LOXL1: variants seen among roughly 807,000 people sequenced by gnomAD.
LOXL1 encodes lysyl oxidase like 1.
A neutral mutation model predicts 62.2 loss-of-function variants in LOXL1; 31 were observed. The ratio of observed to expected loss-of-function variants is 0.50; its 90% CI spans 0.37 to 0.67. The LOEUF is 0.67. Ranked by LOEUF, LOXL1 falls within the 30% of genes least tolerant of loss-of-function variation. The pLI is 0.00. For synonymous variants in LOXL1, 403 were observed against 384.4 expected, an observed-to-expected ratio of 1.05 and a Z score of -0.56; for missense variants, 775 against 843.4, an observed-to-expected ratio of 0.92 and a Z score of 1.00.
In LOXL1 at chr15:73,947,143, C is replaced by T. The variant is rs2068753594; in HGVS notation, c.1426C>T (p.His476Tyr). ...AATGKKVAEG[H>Y]KASFCLEDST... ...CACAGGCAAGAAGGTGGCCGAGGGC[C>T]ACAAGGCCAGTTTCTGCCTGGAGGA... is the stretch of plus-strand genomic sequence containing the variant. Residue 476 changes from histidine (H) to tyrosine (Y), a missense_variant, in exon 4 of 7, where the codon CAC (histidine) becomes TAC (tyrosine). By Grantham distance (83) the His-to-Tyr change is moderately conservative. Coordinates refer to ENST00000261921, the MANE Select transcript of LOXL1 (RefSeq NM_005576.4). 1.2e-5 allele frequency: 19 copies of T among 1,613,858 alleles called. No individual in the cohort carries two copies. The highest frequency in any genetic ancestry group is 1.6e-5 in the Non-Finnish European group (19 of 1,179,754).
At chr15:73,936,067 C>A (rs1184383142) in intron 1 of LOXL1, among the ~76,000 whole-genome samples, 2 of 151,654 alleles carry the variant, frequency 1.3e-5, no homozygotes, top group African/African-American at 4.8e-5. Flanking sequence ...CAGAGACCTG[C>A]CTACTGATCC....
rs750448878 is a variant in LOXL1 at position 73,930,742 on chromosome 15, G to A, written c.1102+2857G>A. On this transcript the variant is annotated intron_variant, in intron 1 of 6. Transcript: ENST00000261921. The surrounding 1 kb of genome is among the most constrained non-coding windows in gnomAD (Gnocchi z 4.7). ...CTGTCCTGAGCCCAGTTTCTTCCTC[G>A]GGTACCTGTGCCCTCTTCCTTCCTA... 6.6e-6 allele frequency among the ~76,000 whole-genome samples: 1 copy of A among 152,150 alleles called. No individual in the cohort carries two copies. Among genetic ancestry groups the A allele is most frequent in the African/African-American group, 2.4e-5 (1 of 41,414 alleles).
chr15:73,926,485 C>A lies in LOXL1; in HGVS notation c.-299C>A, dbSNP rs939301515. 9.2e-6 allele frequency: 3 copies of A among 326,200 alleles called. No homozygotes were observed. The highest frequency in any genetic ancestry group is 1.7e-5 in the Non-Finnish European group (3 of 180,052). The allele number at this position is 326,200 out of a possible 1,614,324, so 20.2% of individuals were successfully genotyped here. On this transcript the variant is annotated 5_prime_UTR_variant, in exon 1 of 7. Transcript: ENST00000261921. The stretch of plus-strand genomic sequence containing the variant: ...TCATTCAGAGTGGGAAAGCGCCAGC[C>A]GAGCGGCCAGCCAGTGCGGGGCTGG...
At chr15:73,946,950 C>A in intron 3 of LOXL1, 117 bp from the exon 4 acceptor site, 1 of 1,158,882 alleles carries the variant, frequency 8.6e-7, no homozygotes, top group Non-Finnish European at 1.2e-6. Context: ...AGAACCTAGA[C>A]CAGCCAGGAG....
At chr15:73,942,274 C>T (rs1297505954) in intron 1 of LOXL1, among the ~76,000 whole-genome samples, 1 of 152,082 alleles carries the variant, frequency 6.6e-6, no homozygotes, top group African/African-American at 2.4e-5. Flanking sequence ...TAGCCCATCC[C>T]TTCCTGCCCA....
chr15:73,940,053 G>A (rs377293938), intron 1 of LOXL1, among the ~76,000 whole-genome samples: 24 of 152,320 alleles, frequency 1.6e-4, no homozygotes, highest in African/African-American at 5.3e-4. Flanking sequence ...TCCACTGAGG[G>A]CGAGTAGGAC....
intron 1 of LOXL1, among the ~76,000 whole-genome samples, chr15:73,931,089 C>G (rs28588430): frequency 0.6 from 91,427 of 151,732 alleles, 28,816 homozygotes; most frequent in East Asian, 0.91. Context: ...TTAGTGCCAC[C>G]TAAGAAGCCC....
Position 73,936,056 on chromosome 15 carries a change from C to T in LOXL1, c.1103-6798C>T, listed in dbSNP as rs138094521. Among the ~76,000 whole-genome samples the T allele has an allele frequency of 6.0e-5, 9 of 150,884 alleles. No homozygotes were observed. In the East Asian group the frequency reaches 1.8e-3, roughly 30 times the overall value. Reference sequence around the variant, plus strand: ...GGGTAAAAAAGGTTGGGGTATGCTGCCAGAGACCTGCCTACTGATCCTTAG... The same window carrying T: ...GGGTAAAAAAGGTTGGGGTATGCTGTCAGAGACCTGCCTACTGATCCTTAG... On this transcript the variant is annotated intron_variant, in intron 1 of 6. Coordinates refer to ENST00000261921, the MANE Select transcript of LOXL1 (RefSeq NM_005576.4).
chr15:73,933,751 G>A (rs1485436635), intron 1 of LOXL1, among the ~76,000 whole-genome samples: 13 of 152,272 alleles, frequency 8.5e-5, no homozygotes, highest in Non-Finnish European at 8.8e-5. Context: ...GGGGCAGGGA[G>A]GGAGCTGGGG....
intron 3 of LOXL1, 146 bp from the exon 4 acceptor site, chr15:73,946,921 G>T (rs1232989420): frequency 2.3e-6 from 2 of 870,644 alleles, no homozygotes; most frequent in South Asian, 1.9e-5. Flanking sequence ...GGGCCACCCC[G>T]CAGTACTCAG....
intron 1 of LOXL1, among the ~76,000 whole-genome samples, chr15:73,933,053 C>T (rs1201058436): frequency 6.6e-6 from 1 of 152,158 alleles, no homozygotes; most frequent in Non-Finnish European, 1.5e-5. Context: ...CTCTCCCCTG[C>T]TCTCAAACTG....
chr15:73,937,094 G>C (rs1319964578), intron 1 of LOXL1, among the ~76,000 whole-genome samples: 1 of 152,224 alleles, frequency 6.6e-6, no homozygotes, highest in East Asian at 1.9e-4. Flanking sequence ...GAAGGCCCCA[G>C]CTGCATCCCA....
chr15:73,949,349 T>C, intron 5 of LOXL1, 110 bp from the exon 6 acceptor site: 2 of 744,806 alleles, frequency 2.7e-6, no homozygotes, highest in Non-Finnish European at 5.0e-6. Context: ...TCCCTCTCTC[T>C]GTCACCTCTC....
intron 2 of LOXL1, among the ~76,000 whole-genome samples, chr15:73,944,400 A>G (rs969920912): frequency 6.6e-5 from 10 of 152,170 alleles, no homozygotes; most frequent in African/African-American, 1.7e-4. Flanking sequence ...GCTGGAGAGA[A>G]CAGCCCTCAC....
At chr15:73,937,904 G>T (rs535460492) in intron 1 of LOXL1, among the ~76,000 whole-genome samples, 1 of 152,234 alleles carries the variant, frequency 6.6e-6, no homozygotes, top group East Asian at 1.9e-4. Flanking sequence ...AGCTGGCTGC[G>T]TACCTTCATC....
intron 1 of LOXL1, among the ~76,000 whole-genome samples, chr15:73,937,470 C>A (rs1278169178): frequency 6.6e-6 from 1 of 152,250 alleles, no homozygotes; most frequent in Non-Finnish European, 1.5e-5. Context: ...CCTCCCCAGC[C>A]GAGCATCCTG....
rs1258313318 is a variant in LOXL1, at chr15:73,952,060, T to G, written c.*223T>G. On this transcript the variant is annotated 3_prime_UTR_variant, in exon 7 of 7. Coordinates refer to ENST00000261921, the MANE Select transcript of LOXL1 (RefSeq NM_005576.4). ...TACAGTGTTGTTTTGTTGTTGTTGG[T>G]TTTTATTTTTTATACTTTGGCCATA... The G allele has an allele frequency of 2.5e-6, 1 of 401,636 alleles. No individual in the cohort carries two copies. Among genetic ancestry groups the G allele is most frequent in the Non-Finnish European group, 4.4e-6 (1 of 227,902 alleles). 24.9% of individuals were successfully genotyped at this position (401,636 alleles called of 1,614,324 possible). A position where few individuals can be genotyped will look rare whatever the true frequency, so the allele number is the denominator to read the frequency against.
Position 73,927,623 on chromosome 15 carries a change from C to T in LOXL1, c.840C>T (p.Ser280=). 1.3e-6 allele frequency: 2 copies of T among 1,490,368 alleles called. No homozygotes were observed. The highest frequency in any genetic ancestry group is 1.8e-6 in the Non-Finnish European group (2 of 1,126,786). 92.3% of individuals were successfully genotyped at this position (1,490,368 alleles called of 1,614,324 possible). Residue 280 remains serine, a synonymous_variant, in exon 1 of 7, where the codon AGC becomes AGT. Coordinates refer to ENST00000261921, the MANE Select transcript of LOXL1 (RefSeq NM_005576.4). ...GCCGCTACTCGCACAGTCTGTACAGCGAGGGCACCCCCGGCTTCGAGCAGG... is the reference window on the plus strand; with the variant it reads ...GCCGCTACTCGCACAGTCTGTACAGTGAGGGCACCCCCGGCTTCGAGCAGG... The part of the protein sequence containing the change: ...LDRRYSHSLY[S]EGTPGFEQAY...
At chr15:73,935,032 A>G (rs1053703446) in intron 1 of LOXL1, among the ~76,000 whole-genome samples, 15 of 152,336 alleles carry the variant, frequency 9.8e-5, no homozygotes, top group East Asian at 3.9e-4. Context: ...AAATGGAGGT[A>G]TAACAGGGGA....
Sources: allele counts gnomAD v4.1 joint callset (sites outside exome capture counted in the v4.1 genomes callset), GRCh38; gene constraint gnomAD v4.1.1; non-coding constraint Gnocchi (gnomAD v3.1); transcripts MANE v1.5; gene names NCBI Gene and HGNC (gene_info 2026-07-23, HGNC 2026-07-21).